Variants in INPP4B observed in about 807,000 individuals in gnomAD.
The protein encoded by INPP4B is inositol polyphosphate-4-phosphatase type II B.
Under a neutral mutation model 122.5 loss-of-function variants are expected in INPP4B, and 55 were observed. The ratio of observed to expected loss-of-function variants is 0.45; its 90% CI spans 0.36 to 0.56. The LOEUF is 0.56. Ranked by LOEUF, INPP4B falls within the 20% of genes least tolerant of loss-of-function variation. The pLI is 0.00. For synonymous variants in INPP4B, 403 were observed against 388.7 expected (o/e 1.04, Z -0.43); for missense variants, 1,000 against 1,097.7 (o/e 0.91, Z 1.26).
At position 142,405,298 on chromosome 4, in the gene INPP4B, G is replaced by C. The variant is rs776542387; in HGVS notation, c.163C>G (p.Arg55Gly). The C allele has an allele frequency of 3.1e-6, 5 of 1,612,282 alleles. No homozygotes were observed. Among genetic ancestry groups the C allele is most frequent in the Non-Finnish European group, 4.2e-6 (5 of 1,178,764 alleles). The change falls in exon 6 of 26, where the codon CGT becomes GGT. Residue 55 changes from arginine (R) to glycine (G), a missense_variant. Coordinates refer to ENST00000262992, the MANE Select transcript of INPP4B (RefSeq NM_001101669.3). ...ACCAGTGTATTCAGTTTACGATCAC[G>C]GACAGGAGCCACGAGATCCTTGCAT... ...LACKDLVAPV[R>G]DRKLNTLVQI... is the part of the protein sequence containing the mutation.
chr4:142,242,771 T>C (rs536341482), intron 11 of INPP4B, among the ~76,000 whole-genome samples: 3 of 152,318 alleles, frequency 2.0e-5, no homozygotes, highest in East Asian at 1.9e-4. Context: ...CCTATATAGA[T>C]GTCTCTCCTT....
chr4:142,232,828 C>G (rs1854985904), intron 12 of INPP4B, among the ~76,000 whole-genome samples: 1 of 152,040 alleles, frequency 6.6e-6, no homozygotes, highest in Admixed American at 6.6e-5. Context: ...AGCAAAACAG[C>G]CTTATTGCTG....
intron 3 of INPP4B, among the ~76,000 whole-genome samples, chr4:142,436,714 G>A (rs980502972): frequency 6.6e-6 from 1 of 151,416 alleles, no homozygotes; most frequent in African/African-American, 2.4e-5. Flanking sequence ...AACAACAAGA[G>A]CATCAACAAA....
intron 8 of INPP4B, chr4:142,306,000 T>C (rs1228104823): frequency 2.4e-6 from 2 of 849,276 alleles, no homozygotes; most frequent in African/African-American, 1.8e-5. Flanking sequence ...AAGTTATAAA[T>C]AGAAATGTTA....
At chr4:142,219,436 T>C (rs1029555688) in intron 12 of INPP4B, among the ~76,000 whole-genome samples, 2 of 152,218 alleles carry the variant, frequency 1.3e-5, no homozygotes, top group Admixed American at 6.5e-5. Flanking sequence ...CAGTTTACCC[T>C]TCACAGTTTG....
chr4:142,631,122 A>C (rs1490168825), intron 2 of INPP4B, among the ~76,000 whole-genome samples: 1 of 152,132 alleles, frequency 6.6e-6, no homozygotes, highest in African/African-American at 2.4e-5. Context: ...TCCAGGTACA[A>C]CATACAAGAG....
intron 23 of INPP4B, among the ~76,000 whole-genome samples, chr4:142,089,981 C>A (rs1041802793): frequency 1.3e-5 from 2 of 152,278 alleles, no homozygotes; most frequent in Middle Eastern, 6.8e-3. Context: ...CAAATCTCTG[C>A]TGATGTTTTT....
At chr4:142,055,919 C>G (rs915239691) in intron 25 of INPP4B, among the ~76,000 whole-genome samples, 1 of 151,610 alleles carries the variant, frequency 6.6e-6, no homozygotes, top group Admixed American at 6.6e-5. Flanking sequence ...TACAACTCAC[C>G]ACAATGTGGA....
chr4:142,452,513 G>A (rs941821669), intron 3 of INPP4B, among the ~76,000 whole-genome samples: 4 of 152,150 alleles, frequency 2.6e-5, no homozygotes, highest in African/African-American at 9.7e-5. Context: ...AAATACGGGG[G>A]TAAAATGTTT....
In INPP4B at chr4:142,351,206, C is replaced by T. The variant is rs1287807614; in HGVS notation, c.373-36444G>A. On this transcript the variant is annotated intron_variant, in intron 7 of 25. Coordinates refer to ENST00000262992, the MANE Select transcript of INPP4B (RefSeq NM_001101669.3). ...GGTCTATGGGTCTTGTCCAAGTTCA[C>T]CATTAGTGGGATAAATTTCAGCTCT... Among the ~76,000 whole-genome samples, 8 of 151,954 alleles carry T rather than the reference C, an allele frequency of 5.3e-5. 1 individual carries two copies.
At chr4:142,134,016 G>A (rs959565011) in intron 18 of INPP4B, among the ~76,000 whole-genome samples, 1 of 152,056 alleles carries the variant, frequency 6.6e-6, no homozygotes, top group African/African-American at 2.4e-5. Context: ...TATTTCTTGT[G>A]TTACTTTTTA....
intron 2 of INPP4B, among the ~76,000 whole-genome samples, chr4:142,463,803 A>G (rs1817204418): frequency 6.6e-6 from 1 of 152,078 alleles, no homozygotes; most frequent in South Asian, 2.1e-4. Flanking sequence ...CCATGTGAAG[A>G]AGGACATGTT....
chr4:142,138,832 G>A (rs1289106736), intron 18 of INPP4B, among the ~76,000 whole-genome samples: 1 of 152,176 alleles, frequency 6.6e-6, no homozygotes, highest in Non-Finnish European at 1.5e-5. Context: ...CCCCTCCTTT[G>A]ATACCTCGTT....
chr4:142,819,655 G>A (rs1157188885), intron 1 of INPP4B, among the ~76,000 whole-genome samples: 4 of 152,232 alleles, frequency 2.6e-5, no homozygotes, highest in East Asian at 1.9e-4. Context: ...TCTGAAGGCC[G>A]TAGTAAGTTG....
At chr4:142,293,100 G>A (rs553500622) in intron 9 of INPP4B, among the ~76,000 whole-genome samples, 6 of 148,320 alleles carry the variant, frequency 4.0e-5, no homozygotes, top group South Asian at 2.1e-4. Context: ...GTGCAATGGC[G>A]TGATTTTGGC....
At chr4:142,523,997 T>A (rs1826474085) in intron 2 of INPP4B, among the ~76,000 whole-genome samples, 1 of 149,804 alleles carries the variant, frequency 6.7e-6, no homozygotes, top group Non-Finnish European at 1.5e-5. Context: ...TCATCATTTT[T>A]TATGGCTGCA....
intron 7 of INPP4B, among the ~76,000 whole-genome samples, chr4:142,338,494 T>A (rs977049233): frequency 5.9e-5 from 9 of 152,168 alleles, no homozygotes; most frequent in African/African-American, 2.2e-4. Context: ...CGCCTCGGCC[T>A]CCCAAAGTGC....
At chr4:142,251,996 T>C (rs572822214) in intron 11 of INPP4B, among the ~76,000 whole-genome samples, 58 of 152,198 alleles carry the variant, frequency 3.8e-4, no homozygotes, top group Non-Finnish European at 7.5e-4. Flanking sequence ...GCCTATCGCT[T>C]ATGAGCAAAG....
chr4:142,178,589 C>A (rs1226932730), intron 15 of INPP4B, among the ~76,000 whole-genome samples: 2 of 152,110 alleles, frequency 1.3e-5, no homozygotes, highest in East Asian at 1.9e-4. Flanking sequence ...CTCAACCAAG[C>A]TACTATTTTA....
Sources: allele counts gnomAD v4.1 joint callset (sites outside exome capture counted in the v4.1 genomes callset), GRCh38; gene constraint gnomAD v4.1.1; transcripts MANE v1.5; gene names NCBI Gene and HGNC (gene_info 2026-07-23, HGNC 2026-07-21).